ARHGEF3: variants seen among roughly 807,000 people sequenced by gnomAD.
ARHGEF3 encodes the protein 59.8 kDA protein.
Under a neutral mutation model 63.2 loss-of-function variants are expected in ARHGEF3, and 28 were observed. The ratio of observed to expected loss-of-function variants is 0.44; its 90% confidence interval spans 0.33 to 0.61. The LOEUF is 0.61. Among genes scored for constraint, ARHGEF3 ranks in the 20% least tolerant of loss-of-function variants. The pLI is 0.03. For synonymous variants in ARHGEF3, 266 were observed against 254.2 expected, an observed-to-expected ratio of 1.05 and a Z score of -0.44; for missense variants, 533 against 659.3, an observed-to-expected ratio of 0.81 and a Z score of 2.10.
At chr3:56,898,642 G>A in intron 3 of ARHGEF3, 1 of 249,894 alleles carries the variant, frequency 4.0e-6, no homozygotes. Flanking sequence ...GGAAGAACTG[G>A]TGGGGAGTGG....
At chr3:56,886,646 T>C (rs2040935051) in intron 3 of ARHGEF3, among the ~76,000 whole-genome samples, 1 of 152,180 alleles carries the variant, frequency 6.6e-6, no homozygotes, top group African/African-American at 2.4e-5. Context: ...CTACTACTAA[T>C]AATTCACACT....
chr3:56,766,364 T>C (rs1381292324), intron 2 of ARHGEF3, among the ~76,000 whole-genome samples: 2 of 152,164 alleles, frequency 1.3e-5, no homozygotes, highest in Non-Finnish European at 2.9e-5. Context: ...CTAGAAACCC[T>C]TCTTTGCCAT....
intron 1 of ARHGEF3, among the ~76,000 whole-genome samples, chr3:56,778,376 AG>A (rs1402534191): frequency 1.3e-5 from 2 of 152,146 alleles, no homozygotes; most frequent in Admixed American, 6.5e-5. Flanking sequence ...GCCCTACCCC[AG>A]GGCCTGGCTA....
intron 3 of ARHGEF3, among the ~76,000 whole-genome samples, chr3:56,950,798 T>TA (rs1699767359): frequency 6.6e-6 from 1 of 152,030 alleles, no homozygotes; most frequent in Non-Finnish European, 1.5e-5. Flanking sequence ...CAAAAGATTA[T>TA]AAATCATGCT....
intron 1 of ARHGEF3, among the ~76,000 whole-genome samples, chr3:57,053,259 G>A (rs1027397011): frequency 1.9e-4 from 29 of 152,132 alleles, no homozygotes; most frequent in Admixed American, 1.2e-3. Context: ...GTTAGCGAGC[G>A]CTCACTGCCA....
chr3:56,916,282 T>C, intron 3 of ARHGEF3: 1 of 1,533,514 alleles, frequency 6.5e-7, no homozygotes. Flanking sequence ...AGCCGGCCCA[T>C]CCCAGGCTCA....
chr3:56,973,828 A>G (rs1701021292), intron 2 of ARHGEF3, among the ~76,000 whole-genome samples: 1 of 152,166 alleles, frequency 6.6e-6, no homozygotes, highest in Non-Finnish European at 1.5e-5. Flanking sequence ...ATAAAATACA[A>G]ATTGACAGAG....
chr3:57,032,605 C>T (rs1703779816), intron 2 of ARHGEF3, among the ~76,000 whole-genome samples: 1 of 152,238 alleles, frequency 6.6e-6, no homozygotes, highest in Admixed American at 6.5e-5. Context: ...AACAACACAA[C>T]TTCCTACCTT....
intron 4 of ARHGEF3, among the ~76,000 whole-genome samples, chr3:56,852,432 T>C (rs1300937655): frequency 6.6e-6 from 1 of 152,208 alleles, no homozygotes; most frequent in East Asian, 1.9e-4. Context: ...AGGGGACTGC[T>C]GGACCTACCA....
chr3:57,051,917 C>A (rs972435401), intron 1 of ARHGEF3, among the ~76,000 whole-genome samples: 32 of 151,900 alleles, frequency 2.1e-4, no homozygotes, highest in African/African-American at 7.7e-4. Flanking sequence ...AAGCCAAGAT[C>A]GTGCCACTGC....
chr3:56,837,282 A>G (rs940432289), intron 4 of ARHGEF3, among the ~76,000 whole-genome samples: 2 of 152,164 alleles, frequency 1.3e-5, no homozygotes, highest in African/African-American at 4.8e-5. Flanking sequence ...AAGAGTCCAG[A>G]CGTTTTTCTA....
intron 4 of ARHGEF3, among the ~76,000 whole-genome samples, chr3:56,817,621 A>C (rs2038321438): frequency 6.6e-6 from 1 of 152,236 alleles, no homozygotes; most frequent in African/African-American, 2.4e-5. Context: ...ACCTGTGACA[A>C]GCATGTGACA....
At chr3:56,874,211 A>G (rs905022852) in intron 4 of ARHGEF3, among the ~76,000 whole-genome samples, 12 of 152,224 alleles carry the variant, frequency 7.9e-5, no homozygotes, top group Non-Finnish European at 1.5e-4. Flanking sequence ...ACAATTTCAC[A>G]GACAGCAAAA....
At position 56,787,683 on chromosome 3, in the gene ARHGEF3, C is replaced by T. The variant is rs190388114; in HGVS notation, c.97-13867G>A. On this transcript the variant is annotated intron_variant, in intron 1 of 9. Coordinates refer to ENST00000296315, the MANE Select transcript of ARHGEF3 (RefSeq NM_019555.3). ...TGCCTTGAAAACTTTCCCCGCCACCCCGACACTGGCTTCCCAGGATATACA... is the reference window on the plus strand; with the variant it reads ...TGCCTTGAAAACTTTCCCCGCCACCTCGACACTGGCTTCCCAGGATATACA... Among the ~76,000 whole-genome samples the T allele has an allele frequency of 7.2e-5, 11 of 151,942 alleles. No individual in the cohort carries two copies. The East Asian group carries it at 2.1e-3, about 29-fold the overall frequency.
intron 4 of ARHGEF3, among the ~76,000 whole-genome samples, chr3:56,852,319 T>G (rs1293329124): frequency 6.6e-6 from 1 of 152,212 alleles, no homozygotes; most frequent in Non-Finnish European, 1.5e-5. Context: ...TTTTCTTGAT[T>G]TCTTAGATGA....
At chr3:56,923,773 G>C (rs1183388918) in intron 3 of ARHGEF3, among the ~76,000 whole-genome samples, 1 of 152,076 alleles carries the variant, frequency 6.6e-6, no homozygotes, top group Non-Finnish European at 1.5e-5. Context: ...TTATGTTTTG[G>C]GTGTGTTCAT....
In ARHGEF3 at chr3:57,001,926, T is replaced by G. The variant is rs945428053; in HGVS notation, c.62+33162A>C. The stretch of plus-strand genomic sequence containing the variant: ...CCCAAAGTGAGATAGTTTTTTTTTT[T>G]TTTGTTTTTTGTTTTGAGACGGAGT... On this transcript the variant is annotated intron_variant, in intron 2 of 12. Transcript: ENST00000338458. 2.3e-4 allele frequency among the ~76,000 whole-genome samples: 16 copies of G among 69,648 alleles called. 1 individual carries two copies. The highest frequency in any genetic ancestry group is 9.7e-4 in the African/African-American group (16 of 16,500). The allele number at this position is 69,648 out of a possible 152,430, so 45.7% of individuals were successfully genotyped here. A position where few individuals can be genotyped will look rare whatever the true frequency, so the allele number is the denominator to read the frequency against.
At position 56,951,146 on chromosome 3, in the gene ARHGEF3, G is replaced by C. The variant is rs149338774; in HGVS notation, c.129+7677C>G. 2.9e-3 allele frequency among the ~76,000 whole-genome samples: 440 copies of C among 151,864 alleles called. 10 individuals are homozygous for C. Among genetic ancestry groups the C allele is most frequent in the African/African-American group, 0.01 (420 of 41,248 alleles). ...GCCTGTTGTGCGGTGGGGGGAGGGG[G>C]GATGGATAGCATTAGGAGATATACC... On this transcript the variant is annotated intron_variant, in intron 3 of 12. Transcript: ENST00000338458.
chr3:56,748,773 T>G (rs1179480599), intron 6 of ARHGEF3, among the ~76,000 whole-genome samples: 1 of 152,118 alleles, frequency 6.6e-6, no homozygotes, highest in Non-Finnish European at 1.5e-5. Flanking sequence ...GGGACACTGA[T>G]TCTCAGTAAC....
Sources: allele counts gnomAD v4.1 joint callset (sites outside exome capture counted in the v4.1 genomes callset), GRCh38; gene constraint gnomAD v4.1.1; transcripts MANE v1.5; gene names NCBI Gene and HGNC (gene_info 2026-07-23, HGNC 2026-07-21).